ZNF532: variants seen among roughly 807,000 people sequenced by gnomAD.
ZNF532 encodes zinc finger protein 532.
ZNF532 carries 22 observed loss-of-function variants against 89.3 expected under a neutral mutation model. The ratio of observed to expected loss-of-function variants is 0.25; its 90% CI spans 0.18 to 0.35. The LOEUF (loss-of-function observed/expected upper bound fraction) is 0.35. Among genes scored for constraint, ZNF532 ranks in the 10% least tolerant of loss-of-function variants. ZNF532 has a pLI of 1.00. For synonymous variants in ZNF532, 606 were observed against 649.6 expected (o/e 0.93, Z 1.02); for missense variants, 1,132 against 1,643.4 (o/e 0.69, Z 5.38).
At chr18:58,880,771 C>CGCGTGTGTGTGT (rs1440107025) in intron 2 of ZNF532, among the ~76,000 whole-genome samples, 5 of 145,258 alleles carry the variant, frequency 3.4e-5, no homozygotes, top group African/African-American at 7.6e-5. Context: ...CACGCGCGCG[C>CGCGTGTGTGTGT]GTCTGTGTGT....
At chr18:58,881,750 T>C (rs182394368) in intron 2 of ZNF532, among the ~76,000 whole-genome samples, 8 of 152,358 alleles carry the variant, frequency 5.3e-5, no homozygotes, top group Admixed American at 3.3e-4. Flanking sequence ...CAACCAGTAT[T>C]TCTCCTATTG....
chr18:58,982,135 T>TA (rs1301633498), intron 9 of ZNF532, among the ~76,000 whole-genome samples: 3 of 151,352 alleles, frequency 2.0e-5, no homozygotes, highest in East Asian at 1.9e-4. Flanking sequence ...CCATCTCTAC[T>TA]AAAAAAATAC....
intron 6 of ZNF532, among the ~76,000 whole-genome samples, chr18:58,951,863 T>C (rs372586704): frequency 1.3e-5 from 2 of 151,842 alleles, no homozygotes; most frequent in Non-Finnish European, 2.9e-5. Context: ...GTTAGCCAGG[T>C]TGGTCTCGAT....
chr18:58,904,404 G>T (rs780905930), intron 2 of ZNF532, among the ~76,000 whole-genome samples: 13 of 151,782 alleles, frequency 8.6e-5, no homozygotes, highest in Non-Finnish European at 1.3e-4. Context: ...TATGTTTTGT[G>T]TGTTTTACCA....
rs753729881 is a variant in ZNF532, at chr18:58,907,272, G to A, written c.-17-10999G>A. On this transcript the variant is annotated intron_variant, in intron 2 of 9. Transcript: ENST00000591808. ...ATGATCTCGGCTCACTGCAACCTCCGCCTCCTGGGCTCAAGCGATTCTCTT... is the reference window on the plus strand; with the variant it reads ...ATGATCTCGGCTCACTGCAACCTCCACCTCCTGGGCTCAAGCGATTCTCTT... Among the ~76,000 whole-genome samples the A allele has an allele frequency of 1.2e-4, 18 of 152,080 alleles. No individual in the cohort carries two copies. In the East Asian group the frequency reaches 2.1e-3, roughly 18 times the overall value.
rs1357447608 is a variant in ZNF532, at chr18:58,981,673, A to G, written c.3411+56A>G. 10 of 1,600,190 alleles carry G rather than the reference A, an allele frequency of 6.2e-6. No homozygotes were observed. In the East Asian group the frequency reaches 2.3e-4, roughly 36 times the overall value. ...GAAATTGTGTTGACTTGCTTTTCCC[A>G]TTCATTTTTTTCCTTTCAAGTTTTT... is the stretch of plus-strand genomic sequence containing the variant. On this transcript the variant is annotated intron_variant, in intron 9 of 9. Transcript: ENST00000591808.
At chr18:58,932,682 T>G (rs1245662317) in intron 3 of ZNF532, among the ~76,000 whole-genome samples, 1 of 152,198 alleles carries the variant, frequency 6.6e-6, no homozygotes, top group Non-Finnish European at 1.5e-5. Context: ...CTTCGTTTCC[T>G]TATCTGTAAA....
At chr18:58,949,961 T>A (rs1018199729) in intron 6 of ZNF532, among the ~76,000 whole-genome samples, 1 of 152,220 alleles carries the variant, frequency 6.6e-6, no homozygotes, top group Non-Finnish European at 1.5e-5. Flanking sequence ...AGTAAAACCC[T>A]CTTAAGATAC....
chr18:58,945,220 G>T (rs1277984164), intron 5 of ZNF532, among the ~76,000 whole-genome samples: 1 of 152,162 alleles, frequency 6.6e-6, no homozygotes, highest in Non-Finnish European at 1.5e-5. Context: ...CCTCTCCTGT[G>T]GCTGACCCTC....
At chr18:58,970,459 A>G (rs2066366190) in intron 7 of ZNF532, among the ~76,000 whole-genome samples, 2 of 152,182 alleles carry the variant, frequency 1.3e-5, no homozygotes, top group Non-Finnish European at 2.9e-5. Flanking sequence ...GATGCCTGCA[A>G]GTAGAAGGGG....
intron 7 of ZNF532, among the ~76,000 whole-genome samples, chr18:58,963,801 AAC>A (rs1268441384): frequency 8.8e-5 from 13 of 148,344 alleles, no homozygotes; most frequent in Admixed American, 2.0e-4. Context: ...CAGTGTGGGC[AAC>A]AGAGTGAGAC....
intron 7 of ZNF532, among the ~76,000 whole-genome samples, chr18:58,958,991 T>G (rs1011074689): frequency 6.6e-6 from 1 of 152,218 alleles, no homozygotes; most frequent in Admixed American, 6.5e-5. Context: ...TCTGAGGTCA[T>G]TCTTAGAGAT....
rs116132635 is a variant in ZNF532, at chr18:58,950,237, T to C, written c.2868+2008T>C. 2.7e-3 allele frequency among the ~76,000 whole-genome samples: 413 copies of C among 152,334 alleles called. 2 individuals carry two copies. The highest frequency in any genetic ancestry group is 9.1e-3 in the African/African-American group (378 of 41,564). On this transcript the variant is annotated intron_variant, in intron 6 of 9. Transcript: ENST00000591808. ...GTGGTTAGGGTCTTCCTTGTGTTAATAGTGAATTTGGAGGAATACAAGGTT... is the reference window on the plus strand; with the variant it reads ...GTGGTTAGGGTCTTCCTTGTGTTAACAGTGAATTTGGAGGAATACAAGGTT...
intron 3 of ZNF532, among the ~76,000 whole-genome samples, chr18:58,931,311 A>T (rs1408897578): frequency 6.6e-6 from 1 of 152,172 alleles, no homozygotes; most frequent in African/African-American, 2.4e-5. Context: ...TTACTTGATT[A>T]AAAAAAGTAA....
In ZNF532 at chr18:58,953,766, G is replaced by A. The variant is rs1289453648; in HGVS notation, c.3117G>A (p.Val1039=). 2 of 1,613,756 alleles carry A rather than the reference G, an allele frequency of 1.2e-6. No homozygotes were observed. Among genetic ancestry groups the A allele is most frequent in the Non-Finnish European group, 1.7e-6 (2 of 1,179,682 alleles). Residue 1039 remains valine, a synonymous_variant, in exon 7 of 10, where the codon GTG becomes GTA. Coordinates refer to ENST00000591808, the MANE Select transcript of ZNF532 (RefSeq NM_001375912.1). The part of the protein sequence containing the change: ...ECDCLFMQRD[V]YISHVRKEHG... ...ACTGCCTGTTCATGCAGAGAGATGT[G>A]TACATATCCCACGTGAGGAAGGAGC...
chr18:58,925,394 A>C (rs1396009275), intron 3 of ZNF532, among the ~76,000 whole-genome samples: 2 of 152,116 alleles, frequency 1.3e-5, no homozygotes, highest in Non-Finnish European at 2.9e-5. Flanking sequence ...CATGGGTTTA[A>C]TTTGCCATCT....
chr18:58,887,157 G>T (rs1045729150), intron 2 of ZNF532, among the ~76,000 whole-genome samples: 1 of 151,886 alleles, frequency 6.6e-6, no homozygotes, highest in Non-Finnish European at 1.5e-5. Context: ...GGCTTATTCC[G>T]CAACACAGTT....
intron 2 of ZNF532, among the ~76,000 whole-genome samples, chr18:58,913,215 A>G (rs1200095762): frequency 6.6e-6 from 1 of 152,196 alleles, no homozygotes; most frequent in Non-Finnish European, 1.5e-5. Context: ...ATGGAGGCAG[A>G]GCTAAGGTTT....
At position 58,984,631 on chromosome 18, in the gene ZNF532, T is replaced by C; in HGVS notation, c.*165T>C. 1.3e-6 allele frequency: 1 copy of C among 756,236 alleles called. No individual in the cohort carries two copies. The highest frequency in any genetic ancestry group is 2.1e-6 in the Non-Finnish European group (1 of 482,610). 46.8% of individuals were successfully genotyped at this position (756,236 alleles called of 1,614,324 possible). A position where few individuals can be genotyped will look rare whatever the true frequency, so the allele number is the denominator to read the frequency against. Reference sequence around the variant, plus strand: ...CCTCGTCGTATATATCCTCGATAAGTATTAAAACAGTATTTGAGTTTAAAA... The same window carrying C: ...CCTCGTCGTATATATCCTCGATAAGCATTAAAACAGTATTTGAGTTTAAAA... On this transcript the variant is annotated 3_prime_UTR_variant, in exon 10 of 10. Coordinates refer to ENST00000591808, the MANE Select transcript of ZNF532 (RefSeq NM_001375912.1).
Sources: gnomAD v4.1 joint callset for allele counts (sites outside exome capture counted in the v4.1 genomes callset) on GRCh38, gnomAD v4.1.1 for gene constraint, MANE v1.5 for transcripts, NCBI Gene and HGNC (gene_info 2026-07-23, HGNC 2026-07-21) for gene names.